The following METTL15 variants were observed in gnomAD, a reference collection of about 807,000 sequenced individuals.
METTL15 encodes the protein methyltransferase 15, mitochondrial 12S rRNA N4-cytidine.
METTL15 carries 34 observed loss-of-function variants against 38.3 expected under a neutral mutation model. The observed-to-expected ratio is 0.89, with a 90% CI of 0.68 to 1.18. The LOEUF is 1.18. METTL15 is among the 50% of genes most tolerant of loss of function. The probability of loss-of-function intolerance (pLI) is 0.00; values close to 1 mark genes in which losing one functional copy is unlikely to be tolerated. For missense variants in METTL15, 438 were observed against 498.4 expected (o/e 0.88, Z 1.15); for synonymous variants, 162 against 170.9 (o/e 0.95, Z 0.41).
At chr11:28,132,096 T>C (rs1346678596) in intron 3 of METTL15, among the ~76,000 whole-genome samples, 1 of 152,214 alleles carries the variant, frequency 6.6e-6, no homozygotes, top group African/African-American at 2.4e-5. Context: ...AATATATTTC[T>C]AGTTTCAATA....
chr11:28,232,259 C>T (rs1032083675), intron 4 of METTL15, among the ~76,000 whole-genome samples: 2 of 151,738 alleles, frequency 1.3e-5, no homozygotes, highest in African/African-American at 4.8e-5. Flanking sequence ...GCTCAAAATC[C>T]TTATTACTAG....
chr11:28,269,321 A>T (rs1855552624), intron 4 of METTL15, among the ~76,000 whole-genome samples: 1 of 152,062 alleles, frequency 6.6e-6, no homozygotes, highest in Admixed American at 6.6e-5. Context: ...TATATATAAA[A>T]AACATGAATA....
chr11:28,234,137 T>A (rs567055314), intron 4 of METTL15, among the ~76,000 whole-genome samples: 2 of 152,302 alleles, frequency 1.3e-5, no homozygotes, highest in South Asian at 4.1e-4. Context: ...CATGAACTCA[T>A]CATTTTTAAT....
At chr11:28,278,828 G>T (rs1033883722) in intron 4 of METTL15, among the ~76,000 whole-genome samples, 16 of 152,004 alleles carry the variant, frequency 1.1e-4, no homozygotes, top group African/African-American at 3.4e-4. Context: ...TGGCCTTTAA[G>T]TTTGTTGTTG....
At chr11:28,121,488 C>A (rs1852229937) in intron 3 of METTL15, among the ~76,000 whole-genome samples, 1 of 151,992 alleles carries the variant, frequency 6.6e-6, no homozygotes. Context: ...TCTAATAAAC[C>A]TTAAAAGGGT....
intron 5 of METTL15, among the ~76,000 whole-genome samples, chr11:28,376,833 G>T (rs908227717): frequency 7.5e-5 from 11 of 146,296 alleles, no homozygotes; most frequent in Admixed American, 2.1e-4. Flanking sequence ...CTTCCTTCAG[G>T]AGCTCTTTTA....
chr11:28,387,561 C>T (rs1307533332), intron 5 of METTL15, among the ~76,000 whole-genome samples: 1 of 151,892 alleles, frequency 6.6e-6, no homozygotes, highest in Non-Finnish European at 1.5e-5. Context: ...AAAAACCTCC[C>T]AGCAAAGAAA....
At chr11:28,451,976 C>T (rs903917639) in intron 6 of METTL15, among the ~76,000 whole-genome samples, 4 of 152,236 alleles carry the variant, frequency 2.6e-5, no homozygotes, top group Non-Finnish European at 5.9e-5. Flanking sequence ...TCAGCCAGCC[C>T]TCTAAGCCTA....
At chr11:28,134,442 A>C (rs1323082192) in intron 3 of METTL15, 1 of 397,648 alleles carries the variant, frequency 2.5e-6, no homozygotes, top group Non-Finnish European at 4.4e-6. Context: ...CCCCTGTGCA[A>C]GTTCCCTTAT....
At chr11:28,135,332 G>A (rs940861130) in intron 3 of METTL15, among the ~76,000 whole-genome samples, 5 of 152,116 alleles carry the variant, frequency 3.3e-5, no homozygotes, top group Admixed American at 2.6e-4. Context: ...GTTCCACAAG[G>A]AATCTCAGAT....
chr11:28,499,233 G>C (rs897156107), intron 6 of METTL15, among the ~76,000 whole-genome samples: 1 of 152,148 alleles, frequency 6.6e-6, no homozygotes, highest in Non-Finnish European at 1.5e-5. Flanking sequence ...TTTTTAGGTA[G>C]AGTGTGCCCA....
chr11:28,261,383 A>T (rs1381704125), intron 4 of METTL15: 1 of 153,414 alleles, frequency 6.5e-6, no homozygotes, highest in African/African-American at 2.4e-5. Flanking sequence ...GTCTTTGACT[A>T]AGTATACAGA....
intron 3 of METTL15, among the ~76,000 whole-genome samples, chr11:28,117,864 T>C (rs1852042404): frequency 6.6e-6 from 1 of 152,204 alleles, no homozygotes; most frequent in African/African-American, 2.4e-5. Flanking sequence ...GCTTCTCTTC[T>C]TCCTGAGCCT....
intron 3 of METTL15, 133 bp downstream of exon 3, chr11:28,113,737 C>G (rs1018538135): frequency 4.6e-5 from 41 of 885,692 alleles, no homozygotes; most frequent in Non-Finnish European, 6.3e-5. Flanking sequence ...ATGGTTGATG[C>G]GAAAGTGATA....
intron 3 of METTL15, among the ~76,000 whole-genome samples, chr11:28,186,910 A>G (rs1000963053): frequency 1.3e-5 from 2 of 151,162 alleles, no homozygotes; most frequent in African/African-American, 4.8e-5. Flanking sequence ...CTCTATTTTT[A>G]TACTAAATCA....
intron 6 of METTL15, among the ~76,000 whole-genome samples, chr11:28,478,611 G>A (rs148604710): frequency 6.6e-6 from 1 of 152,126 alleles, no homozygotes; most frequent in East Asian, 1.9e-4. Flanking sequence ...TTGATGCTTG[G>A]GATGCCTGGG....
At chr11:28,436,936 T>C (rs1179748085) in intron 6 of METTL15, among the ~76,000 whole-genome samples, 1 of 152,172 alleles carries the variant, frequency 6.6e-6, no homozygotes, top group African/African-American at 2.4e-5. Context: ...CACCATCTAA[T>C]CAGTTGCCAG....
At chr11:28,436,431 T>C (rs1850982477) in intron 6 of METTL15, among the ~76,000 whole-genome samples, 1 of 152,206 alleles carries the variant, frequency 6.6e-6, no homozygotes, top group African/African-American at 2.4e-5. Context: ...ATTTTGCAGA[T>C]CTGAGCTATG....
intron 5 of METTL15, among the ~76,000 whole-genome samples, chr11:28,395,833 T>A (rs1023971072): frequency 6.6e-6 from 1 of 152,196 alleles, no homozygotes; most frequent in Admixed American, 6.6e-5. Context: ...TGAACATCGA[T>A]GCAAAAATCC....
Sources: gnomAD v4.1 joint callset for allele counts (sites outside exome capture counted in the v4.1 genomes callset) on GRCh38, gnomAD v4.1.1 for gene constraint, MANE v1.5 for transcripts, NCBI Gene and HGNC (gene_info 2026-07-23, HGNC 2026-07-21) for gene names.